The following HSPA14 variants were observed in gnomAD, a reference collection of about 807,000 sequenced individuals.
HSPA14 encodes heat shock protein family A (Hsp70) member 14.
In HSPA14, 37 loss-of-function variants were observed where a neutral mutation model predicts 65.5. The observed-to-expected ratio is 0.56, with a 90% CI of 0.43 to 0.74. The LOEUF (loss-of-function observed/expected upper bound fraction) is 0.74. Among genes scored for constraint, HSPA14 ranks in the 30% least tolerant of loss-of-function variants. HSPA14 has a pLI of 0.00. For synonymous variants in HSPA14, 203 were observed against 214.2 expected (o/e 0.95, Z 0.46); for missense variants, 564 against 607.6 (o/e 0.93, Z 0.75).
intron 3 of HSPA14, chr10:14,846,710 C>T (rs1834059321): frequency 2.0e-6 from 2 of 976,316 alleles, no homozygotes; most frequent in Admixed American, 6.2e-5. Flanking sequence ...AATGTATGAG[C>T]ACTTTCAGAC....
At position 14,848,658 on chromosome 10, in the gene HSPA14, G is replaced by A. The variant is rs1472709778; in HGVS notation, c.270+1G>A. On this transcript the variant is annotated splice_donor_variant, in intron 4 of 13. Transcript: ENST00000378372. LOFTEE classifies it high-confidence loss of function. Reference sequence around the variant, plus strand: ...ATACATCGCGGAAAGTAAATGTTTAGTGAGTATGGTTCTGTTATTGCTTCC... The same window carrying A: ...ATACATCGCGGAAAGTAAATGTTTAATGAGTATGGTTCTGTTATTGCTTCC... The A allele has an allele frequency of 2.5e-6, 4 of 1,608,720 alleles. No individual in the cohort carries two copies. The highest frequency in any genetic ancestry group is 3.4e-6 in the Non-Finnish European group (4 of 1,176,044).
chr10:14,848,091 A>G (rs1834076279), intron 3 of HSPA14, among the ~76,000 whole-genome samples: 1 of 152,256 alleles, frequency 6.6e-6, no homozygotes, highest in Non-Finnish European at 1.5e-5. Flanking sequence ...TAAGTTGCTT[A>G]TATCTGTATA....
rs185795632 is a variant in HSPA14, at chr10:14,839,289, A to C, written c.58-616A>C. On this transcript the variant is annotated intron_variant, in intron 1 of 13. Transcript: ENST00000378372. ...ACTTCATTTGTAGAAATGGGAAGAAAGGGGCCCAGCGCGGTGGCTTACGCC... is the reference window on the plus strand; with the variant it reads ...ACTTCATTTGTAGAAATGGGAAGAACGGGGCCCAGCGCGGTGGCTTACGCC... Among the ~76,000 whole-genome samples the C allele has an allele frequency of 2.8e-3, 431 of 152,332 alleles. 1 individual carries two copies. The highest frequency in any genetic ancestry group is 4.5e-3 in the Non-Finnish European group (309 of 68,024).
chr10:14,859,663 A>G (rs529863091), intron 10 of HSPA14, among the ~76,000 whole-genome samples: 1 of 152,288 alleles, frequency 6.6e-6, no homozygotes, highest in South Asian at 2.1e-4. Context: ...CCCCTTCTGT[A>G]TATTGGATGT....
rs1055601240 is a variant in HSPA14 at position 14,845,387 on chromosome 10, T to A, written c.222-3222T>A. On this transcript the variant is annotated intron_variant, in intron 3 of 13. Transcript: ENST00000378372. ...CGAGTGCTTAGCTAAATGCTGGAAA[T>A]GGACATAGGTGGAGAAATGGTCAGA... 40 of 985,262 alleles carry A rather than the reference T, an allele frequency of 4.1e-5. No individual in the cohort carries two copies. In the African/African-American group the frequency reaches 6.6e-4, roughly 16 times the overall value. The allele number at this position is 985,262 out of a possible 1,614,324, so 61.0% of individuals were successfully genotyped here.
intron 1 of HSPA14, chr10:14,838,671 C>T (rs1218258927): frequency 3.9e-6 from 2 of 517,514 alleles, no homozygotes; most frequent in Non-Finnish European, 6.8e-6. Flanking sequence ...GGCGGAGGCT[C>T]GCGGCGATGT....
At chr10:14,858,311 C>G (rs891923400) in intron 10 of HSPA14, among the ~76,000 whole-genome samples, 3 of 152,156 alleles carry the variant, frequency 2.0e-5, no homozygotes, top group Non-Finnish European at 2.9e-5. Context: ...GTCCAATTCT[C>G]AGTTGCTTGA....
At chr10:14,838,803 G>T (rs892962737) in intron 1 of HSPA14, among the ~76,000 whole-genome samples, 4 of 152,086 alleles carry the variant, frequency 2.6e-5, no homozygotes, top group Admixed American at 6.5e-5. Context: ...GTCCCGGGGG[G>T]TCCCGGGGAC....
intron 8 of HSPA14, among the ~76,000 whole-genome samples, chr10:14,853,519 A>G (rs895150209): frequency 1.3e-5 from 2 of 152,170 alleles, no homozygotes; most frequent in African/African-American, 4.8e-5. Context: ...TACTTTCTTC[A>G]GAGTACAGTC....
intron 3 of HSPA14, among the ~76,000 whole-genome samples, chr10:14,847,593 G>A (rs2131639597): frequency 6.6e-6 from 1 of 152,264 alleles, no homozygotes; most frequent in African/African-American, 2.4e-5. Flanking sequence ...GAACCTGCAA[G>A]TATTCCAGAG....
At chr10:14,869,556 A>G (rs942886394) in intron 12 of HSPA14, among the ~76,000 whole-genome samples, 3 of 152,180 alleles carry the variant, frequency 2.0e-5, no homozygotes, top group African/African-American at 7.2e-5. Context: ...CAGCCTCCCA[A>G]ACTGCTGGGA....
chr10:14,839,993 T>G lies in HSPA14; in HGVS notation c.138+8T>G, dbSNP rs1833950948. 1.6e-5 allele frequency: 25 copies of G among 1,599,128 alleles called. No homozygotes were observed. Among genetic ancestry groups the G allele is most frequent in the African/African-American group, 2.7e-5 (2 of 74,368 alleles). On this transcript the variant is annotated splice_region_variant and intron_variant, in intron 2 of 13. Coordinates refer to ENST00000378372, the MANE Select transcript of HSPA14 (RefSeq NM_016299.4). ...TACTCAGAAAATGAAGAGGTACTAG[T>G]CCCCCCATTTTTGTACTTCTGAAAT...
At chr10:14,843,270 G>A in intron 3 of HSPA14, 1 of 1,429,450 alleles carries the variant, frequency 7.0e-7, no homozygotes. Context: ...GGCTTTCCAG[G>A]AACAACCATA....
intron 10 of HSPA14, among the ~76,000 whole-genome samples, 164 bp from the exon 11 acceptor site, chr10:14,866,919 G>C (rs995975656): frequency 6.6e-6 from 1 of 152,072 alleles, no homozygotes; most frequent in African/African-American, 2.4e-5. Context: ...TTAAATATAT[G>C]TTTGTGTATT....
intron 3 of HSPA14, chr10:14,847,022 T>C: frequency 2.0e-6 from 2 of 985,506 alleles, no homozygotes; most frequent in African/African-American, 1.7e-5. Context: ...TCCACTACTT[T>C]GTGATGATGT....
intron 12 of HSPA14, among the ~76,000 whole-genome samples, chr10:14,870,147 AAG>A (rs1186886839): frequency 2.0e-5 from 3 of 152,170 alleles, no homozygotes; most frequent in African/African-American, 7.2e-5. Context: ...AGTTGTACAA[AAG>A]AGTTTGCCAT....
intron 10 of HSPA14, among the ~76,000 whole-genome samples, chr10:14,859,367 C>T (rs1020130106): frequency 1.3e-5 from 2 of 152,184 alleles, no homozygotes; most frequent in African/African-American, 2.4e-5. Context: ...TGCATCAGAC[C>T]ACCCTGCCTC....
At chr10:14,850,676 C>A (rs1834101797) in intron 6 of HSPA14, 1 of 152,198 alleles carries the variant, frequency 6.6e-6, no homozygotes, top group Non-Finnish European at 1.5e-5. Context: ...ATAAATTTGT[C>A]TTTCTGCAGT....
At chr10:14,856,995 T>C (rs1160181404) in intron 10 of HSPA14, among the ~76,000 whole-genome samples, 1 of 152,236 alleles carries the variant, frequency 6.6e-6, no homozygotes, top group Non-Finnish European at 1.5e-5. Context: ...CATAGGTTTG[T>C]TTGCTAGCTA....
Sources: gnomAD v4.1 joint callset for allele counts (sites outside exome capture counted in the v4.1 genomes callset) on GRCh38, gnomAD v4.1.1 for gene constraint, MANE v1.5 for transcripts, NCBI Gene and HGNC (gene_info 2026-07-23, HGNC 2026-07-21) for gene names.